UBE2Z: variants seen among roughly 807,000 people sequenced by gnomAD.
UBE2Z encodes the protein ubiquitin conjugating enzyme E2 Z, also known as ubiquitin-conjugating enzyme E2 Z.
A neutral mutation model predicts 32.6 loss-of-function variants in UBE2Z; 10 were observed. The ratio of observed to expected loss-of-function variants is 0.31; its 90% CI spans 0.19 to 0.52. The LOEUF (loss-of-function observed/expected upper bound fraction) is 0.52. Ranked by LOEUF, UBE2Z falls within the 20% of genes least tolerant of loss-of-function variation. UBE2Z has a pLI of 0.97. For synonymous variants in UBE2Z, 183 were observed against 190.8 expected, an observed-to-expected ratio of 0.96 and a Z score of 0.34; for missense variants, 343 against 480.9, an observed-to-expected ratio of 0.71 and a Z score of 2.68.
rs201553225 is a variant in UBE2Z, at chr17:48,923,122, C to T, written c.894+185C>T. On this transcript the variant is annotated intron_variant, in intron 6 of 6. Coordinates refer to ENST00000360943, the MANE Select transcript of UBE2Z (RefSeq NM_023079.5). ...GGATCACGAGGTCGGGAAATTGAGACCATCCTGGCTAACACGGTGAAACCC... is the reference window on the plus strand; with the variant it reads ...GGATCACGAGGTCGGGAAATTGAGATCATCCTGGCTAACACGGTGAAACCC... 226 of 479,312 alleles carry T rather than the reference C, an allele frequency of 4.7e-4. 2 individuals carry two copies. Among genetic ancestry groups the T allele is most frequent in the African/African-American group, 1.5e-3 (76 of 50,420 alleles). The allele number at this position is 479,312 out of a possible 1,614,324, so 29.7% of individuals were successfully genotyped here.
At chr17:48,925,936 G>A (rs749417588) in intron 6 of UBE2Z, among the ~76,000 whole-genome samples, 2 of 152,204 alleles carry the variant, frequency 1.3e-5, no homozygotes, top group Non-Finnish European at 2.9e-5. Context: ...GGAAAGTTGT[G>A]TACCTTTTGG....
chr17:48,920,637 G>A (rs1258120090), intron 4 of UBE2Z, among the ~76,000 whole-genome samples: 1 of 152,082 alleles, frequency 6.6e-6, no homozygotes. Flanking sequence ...AGTCAAGGCT[G>A]CAGTTAGCTG....
In UBE2Z at chr17:48,927,296, G is replaced by GGCCT. The variant is rs902818810; in HGVS notation, c.*164_*167dup. 1.6e-5 allele frequency: 12 copies of GGCCT among 756,698 alleles called. No individual in the cohort carries two copies. Among genetic ancestry groups the GGCCT allele is most frequent in the Non-Finnish European group, 2.5e-5 (12 of 478,362 alleles). The allele number at this position is 756,698 out of a possible 1,614,324, so 46.9% of individuals were successfully genotyped here. On this transcript the variant is annotated 3_prime_UTR_variant, in exon 7 of 7. Coordinates refer to ENST00000360943, the MANE Select transcript of UBE2Z (RefSeq NM_023079.5). The stretch of plus-strand genomic sequence containing the variant: ...TCCGATCCCAGGGTGTGGGAGTGGG[G>GGCCT]GCCTGTTCCCGGTCTGACCTCCTTG...
chr17:48,908,954 C>T, intron 1 of UBE2Z, 134 bp downstream of exon 1: 1 of 578,800 alleles, frequency 1.7e-6, no homozygotes, highest in Admixed American at 4.8e-5. Context: ...CGGCCCAAAT[C>T]TTGCCAGCTC....
intron 2 of UBE2Z, chr17:48,912,467 A>G (rs1314148035): frequency 5.4e-6 from 1 of 186,854 alleles, no homozygotes; most frequent in Admixed American, 5.5e-5. Flanking sequence ...ATTTTTCCAC[A>G]GTGGTGTTTT....
chr17:48,925,863 G>A (rs1277857705), intron 6 of UBE2Z, among the ~76,000 whole-genome samples: 2 of 152,226 alleles, frequency 1.3e-5, no homozygotes, highest in African/African-American at 2.4e-5. Context: ...CACTCAGGAT[G>A]AGGGTAATGT....
In UBE2Z at chr17:48,908,620, G is replaced by T; in HGVS notation, c.117G>T (p.Pro39=). 8.1e-7 allele frequency: 1 copy of T among 1,235,056 alleles called. No individual in the cohort carries two copies. Among genetic ancestry groups the T allele is most frequent in the Non-Finnish European group, 1.0e-6 (1 of 986,824 alleles). The allele number at this position is 1,235,056 out of a possible 1,614,324, so 76.5% of individuals were successfully genotyped here. Residue 39 remains proline, a synonymous_variant, in exon 1 of 7, where the codon CCG becomes CCT. Coordinates refer to ENST00000360943, the MANE Select transcript of UBE2Z (RefSeq NM_023079.5). ...GVSGSGGGFG[P]PFLPDVWAAA... ...GCGGCAGCGGCGGCGGGTTCGGGCC[G>T]CCTTTCCTGCCGGATGTGTGGGCGG...
At chr17:48,914,574 G>A (rs887319517) in intron 3 of UBE2Z, among the ~76,000 whole-genome samples, 2 of 152,154 alleles carry the variant, frequency 1.3e-5, no homozygotes, top group East Asian at 1.9e-4. Context: ...ATTTGTTCGC[G>A]AAAGCGTGTC....
chr17:48,924,845 C>CAAAAAAAAAAAAA (rs5820735), intron 6 of UBE2Z, among the ~76,000 whole-genome samples: 1 of 85,752 alleles, frequency 1.2e-5, no homozygotes, highest in Non-Finnish European at 2.1e-5. Flanking sequence ...GATTCTGTCT[C>CAAAAAAAAAAAAA]AAAAAAAAAA....
chr17:48,926,846 C>G lies in UBE2Z; in HGVS notation c.895-118C>G. 4 of 1,177,984 alleles carry G rather than the reference C, an allele frequency of 3.4e-6. No individual in the cohort carries two copies. In the South Asian group the frequency reaches 6.3e-5, roughly 19 times the overall value. 73.0% of individuals were successfully genotyped at this position (1,177,984 alleles called of 1,614,324 possible). A position where few individuals can be genotyped will look rare whatever the true frequency, so the allele number is the denominator to read the frequency against. ...TTTGGGACTGCCTGTGCTGTTAGGC[C>G]TTCCTGCTCCCATGGCTCAGAAGTT... On this transcript the variant is annotated intron_variant, in intron 6 of 6. Transcript: ENST00000360943.
In UBE2Z at chr17:48,927,158, C is replaced by G. The variant is rs752464191; in HGVS notation, c.*24C>G. ...AGACCCTGCTCCCATCTCCCCTTCC[C>G]CCACTCAAGAGTCCCAGCAGAATCC... is the stretch of plus-strand genomic sequence containing the variant. On this transcript the variant is annotated 3_prime_UTR_variant, in exon 7 of 7. Coordinates refer to ENST00000360943, the MANE Select transcript of UBE2Z (RefSeq NM_023079.5). 25 of 1,611,810 alleles carry G rather than the reference C, an allele frequency of 1.6e-5. No individual in the cohort carries two copies. The highest frequency in any genetic ancestry group is 2.0e-5 in the Non-Finnish European group (24 of 1,178,734).
chr17:48,920,412 G>A (rs978888429), intron 4 of UBE2Z, among the ~76,000 whole-genome samples: 10 of 152,096 alleles, frequency 6.6e-5, no homozygotes, highest in South Asian at 4.1e-4. Context: ...CAGGAGAATC[G>A]CTTGAACCCA....
At position 48,928,889 on chromosome 17, in the gene UBE2Z, G is replaced by A. The variant is rs2040816044; in HGVS notation, c.*1755G>A. Reference sequence around the variant, plus strand: ...AATCCTCTCCTTGGCCCTGCCATAGGGCAGAGCATGTCTGGCATAGCAGCC... The same window carrying A: ...AATCCTCTCCTTGGCCCTGCCATAGAGCAGAGCATGTCTGGCATAGCAGCC... On this transcript the variant is annotated 3_prime_UTR_variant, in exon 7 of 7. Coordinates refer to ENST00000360943, the MANE Select transcript of UBE2Z (RefSeq NM_023079.5). 6.6e-6 allele frequency: 1 copy of A among 152,664 alleles called. No homozygotes were observed. Among genetic ancestry groups the A allele is most frequent in the Non-Finnish European group, 1.5e-5 (1 of 68,058 alleles). The allele number at this position is 152,664 out of a possible 1,614,324, so 9.5% of individuals were successfully genotyped here. A position where few individuals can be genotyped will look rare whatever the true frequency, so the allele number is the denominator to read the frequency against.
intron 4 of UBE2Z, among the ~76,000 whole-genome samples, chr17:48,916,978 G>C (rs1012637953): frequency 2.7e-5 from 4 of 150,878 alleles, no homozygotes; most frequent in Non-Finnish European, 5.9e-5. Flanking sequence ...ACTCCAGCCT[G>C]GGTAAGGAGC....
intron 1 of UBE2Z, chr17:48,910,270 G>T (rs1287591048): frequency 6.5e-6 from 1 of 154,298 alleles, no homozygotes; most frequent in Non-Finnish European, 1.4e-5. Flanking sequence ...TCTCTACCCT[G>T]AGACACCCCT....
intron 1 of UBE2Z, 21 bp from the exon 2 acceptor site, chr17:48,910,787 C>A: frequency 6.3e-7 from 1 of 1,594,734 alleles, no homozygotes; most frequent in African/African-American, 1.3e-5. Context: ...CCTTCCCCCA[C>A]CTCCTCTTGG....
rs1384057379 is a variant in UBE2Z at position 48,919,119 on chromosome 17, T to G, written c.691-2041T>G. ...TTTTATTTATTTATTTATTTTTTAT[T>G]TATTTACAGGCACACACCACCACAC... On this transcript the variant is annotated intron_variant, in intron 4 of 6. Coordinates refer to ENST00000360943, the MANE Select transcript of UBE2Z (RefSeq NM_023079.5). 3.3e-5 allele frequency among the ~76,000 whole-genome samples: 5 copies of G among 151,822 alleles called. No homozygotes were observed. The East Asian group carries it at 7.7e-4, about 23-fold the overall frequency.
intron 4 of UBE2Z, among the ~76,000 whole-genome samples, chr17:48,920,216 C>T (rs942895015): frequency 3.2e-4 from 49 of 152,074 alleles, no homozygotes; most frequent in Middle Eastern, 3.4e-3. Flanking sequence ...AAAGACAAGC[C>T]GGGTGCGGTG....
chr17:48,910,750 A>C, intron 1 of UBE2Z, 58 bp from the exon 2 acceptor site: 2 of 1,324,852 alleles, frequency 1.5e-6, no homozygotes, highest in Non-Finnish European at 2.2e-6. Context: ...TGCTCAAGGG[A>C]TTCCCCCTTT....
Sources: gnomAD v4.1 joint callset for allele counts (sites outside exome capture counted in the v4.1 genomes callset) on GRCh38, gnomAD v4.1.1 for gene constraint, MANE v1.5 for transcripts, NCBI Gene and HGNC (gene_info 2026-07-23, HGNC 2026-07-21) for gene names.